NCAPD3: variants seen among roughly 807,000 people sequenced by gnomAD.
NCAPD3 encodes non-SMC condensin II complex subunit D3.
A neutral mutation model predicts 182.9 loss-of-function variants in NCAPD3; 105 were observed. That is an observed-to-expected ratio of 0.57 (90% CI 0.49 to 0.68). The LOEUF (loss-of-function observed/expected upper bound fraction) is 0.68. Among genes scored for constraint, NCAPD3 ranks in the 30% least tolerant of loss-of-function variants. The pLI is 0.00. For synonymous variants in NCAPD3, 815 were observed against 679.9 expected, an observed-to-expected ratio of 1.20 and a Z score of -3.09; for missense variants, 1,944 against 1,837.0, an observed-to-expected ratio of 1.06 and a Z score of -1.07.
In NCAPD3 at chr11:134,223,913, C is replaced by A; in HGVS notation, c.14G>T (p.Arg5Leu). Residue 5 changes from arginine to leucine, a missense_variant, in exon 1 of 35, where the codon CGG becomes CTG. Physicochemically the swap from Arg to Leu is moderately radical, Grantham distance 102. Transcript: ENST00000534548. Reference protein sequence around the residue: MVALRGLGSGLQPWC... With the variant: MVALLGLGSGLQPWC... ...GGGCTGCAGGCCGCTACCAAGGCCC[C>A]GCAACGCCACCATGATCCCAGGGCA... 6.2e-7 allele frequency: 1 copy of A among 1,612,684 alleles called. No homozygotes were observed. The highest frequency in any genetic ancestry group is 8.5e-7 in the Non-Finnish European group (1 of 1,179,824).
At position 134,158,495 on chromosome 11, in the gene NCAPD3, C is replaced by A. The variant is rs1185632416; in HGVS notation, c.3868G>T (p.Val1290Phe). ...GGCACTGTTTCTAAACACAGGGCAA[C>A]CTGGTAGAGAAGATAAAGAGTATGT... ...GGAEVAPVAQVALCLETVPVP... is the reference protein window; with the variant it reads ...GGAEVAPVAQFALCLETVPVP... The change falls in exon 30 of 35, where the codon GTT becomes TTT. Residue 1290 changes from valine (V) to phenylalanine (F), a missense_variant and splice_region_variant. Val to Phe is a conservative substitution (Grantham distance 50, BLOSUM62 -1). Coordinates refer to ENST00000534548, the MANE Select transcript of NCAPD3 (RefSeq NM_015261.3). The A allele has an allele frequency of 1.9e-6, 3 of 1,612,940 alleles. No individual in the cohort carries two copies. The highest frequency in any genetic ancestry group is 1.7e-5 in the Admixed American group (1 of 60,022).
Position 134,203,639 on chromosome 11 carries a change from A to G in NCAPD3, c.1468+15T>C, listed in dbSNP as rs1944793423. The G allele has an allele frequency of 6.2e-7, 1 of 1,607,590 alleles. No individual in the cohort carries two copies. The highest frequency in any genetic ancestry group is 1.1e-5 in the South Asian group (1 of 91,004). ...CACAAGACCGGTTTACTGTCCCAAT[A>G]GTCGCCATACTCACTGTTAATCAGG... On this transcript the variant is annotated intron_variant, in intron 11 of 34. Transcript: ENST00000534548.
intron 27 of NCAPD3, 76 bp from the exon 28 acceptor site, chr11:134,161,967 G>C: frequency 4.2e-6 from 3 of 722,592 alleles, no homozygotes; most frequent in Non-Finnish European, 6.8e-6. Context: ...CTAGTTCTTT[G>C]AGTAGAGCCA....
In NCAPD3 at chr11:134,150,743, A is replaced by T. The variant is rs528601526; in HGVS notation, c.*2201T>A. 1.3e-5 allele frequency: 2 copies of T among 152,254 alleles called. No homozygotes were observed. Among genetic ancestry groups the T allele is most frequent in the East Asian group, 3.9e-4 (2 of 5,186 alleles). The allele number at this position is 152,254 out of a possible 1,614,324, so 9.4% of individuals were successfully genotyped here. A position where few individuals can be genotyped will look rare whatever the true frequency, so the allele number is the denominator to read the frequency against. On this transcript the variant is annotated 3_prime_UTR_variant, in exon 35 of 35. Transcript: ENST00000534548. ...AGTACAATAACATTTTTAAAAGAAA[A>T]TGGATCCCACTGTTCCTCTTTGCCA...
At chr11:134,158,666 TTTTC>T (rs1288125528) in intron 29 of NCAPD3, among the ~76,000 whole-genome samples, 171 bp from the exon 30 acceptor site, 5 of 152,222 alleles carry the variant, frequency 3.3e-5, no homozygotes, top group South Asian at 2.1e-4. Flanking sequence ...CGTGAGTATC[TTTTC>T]TTTGTGTTGG....
At chr11:134,167,376 G>T (rs1372733266) in intron 27 of NCAPD3, among the ~76,000 whole-genome samples, 1 of 92,476 alleles carries the variant, frequency 1.1e-5, no homozygotes, top group African/African-American at 4.6e-5. Context: ...GCGCACACTC[G>T]TGAGAGGAGC....
intron 24 of NCAPD3, 62 bp downstream of exon 24, chr11:134,176,245 A>T (rs538085038): frequency 6.8e-7 from 1 of 1,475,030 alleles, no homozygotes; most frequent in South Asian, 1.1e-5. Context: ...AAAAAAAGAA[A>T]TCCAGCATAC....
intron 24 of NCAPD3, among the ~76,000 whole-genome samples, chr11:134,172,785 C>T (rs1354460459): frequency 6.6e-6 from 1 of 151,956 alleles, no homozygotes; most frequent in Non-Finnish European, 1.5e-5. Context: ...CACGCCCAAT[C>T]CCAGCACTTT....
Position 134,184,941 on chromosome 11 carries a change from G to A in NCAPD3, c.2297C>T (p.Ala766Val). 1.2e-6 allele frequency: 2 copies of A among 1,613,844 alleles called. No homozygotes were observed. The highest frequency in any genetic ancestry group is 1.7e-6 in the Non-Finnish European group (2 of 1,179,862). Reference sequence around the variant, plus strand: ...CCGGGTGCTCTTAGGAAGATGCTTTGCAATATGCCCAATCACACAGAGAAT... The same window carrying A: ...CCGGGTGCTCTTAGGAAGATGCTTTACAATATGCCCAATCACACAGAGAAT... ...GHILCVIGHI[A>V]KHLPKSTRDK... Residue 766 changes from alanine to valine, a missense_variant, in exon 18 of 35, where the codon GCA becomes GTA. Physicochemically the swap from Ala to Val is moderately conservative, Grantham distance 64. Transcript: ENST00000534548.
In NCAPD3 at chr11:134,171,696, A is replaced by T. The variant is rs553869787; in HGVS notation, c.3102-2642T>A. On this transcript the variant is annotated intron_variant, in intron 24 of 34. Transcript: ENST00000534548. ...CTGTCTAGACCCTGGTCATCCCTGC[A>T]TTGCTGCTTCCTTCCTCCATGTACT... Among the ~76,000 whole-genome samples the T allele has an allele frequency of 3.3e-5, 5 of 152,252 alleles. No individual in the cohort carries two copies. In the South Asian group the frequency reaches 1.0e-3, roughly 32 times the overall value.
intron 19 of NCAPD3, chr11:134,182,932 T>C (rs1386165066): frequency 6.5e-6 from 2 of 306,240 alleles, no homozygotes; most frequent in Non-Finnish European, 1.3e-5. Flanking sequence ...CCAAGTGAGG[T>C]TGTGTCGGCA....
chr11:134,184,806 T>TAC (rs1466832733), intron 18 of NCAPD3, 54 bp from the exon 19 acceptor site: 93 of 1,068,112 alleles, frequency 8.7e-5, no homozygotes, highest in Middle Eastern at 2.0e-4. Flanking sequence ...TATTCAGGTA[T>TAC]ATATACACAC....
At chr11:134,191,011 TC>T (rs1436695869) in intron 16 of NCAPD3, among the ~76,000 whole-genome samples, 4 of 152,356 alleles carry the variant, frequency 2.6e-5, no homozygotes, top group Admixed American at 2.6e-4. Flanking sequence ...TCCTAGTTAT[TC>T]CTCTACTTCT....
chr11:134,159,622 C>T (rs1300261923), intron 29 of NCAPD3, among the ~76,000 whole-genome samples: 1 of 152,214 alleles, frequency 6.6e-6, no homozygotes, highest in African/African-American at 2.4e-5. Flanking sequence ...CACTGACACA[C>T]CCTGGCAGAC....
At chr11:134,197,311 C>G (rs925225309) in intron 13 of NCAPD3, among the ~76,000 whole-genome samples, 8 of 136,142 alleles carry the variant, frequency 5.9e-5, no homozygotes, top group Non-Finnish European at 1.2e-4. Flanking sequence ...GAGTCTCACT[C>G]TGCTGCCCAG....
intron 32 of NCAPD3, among the ~76,000 whole-genome samples, chr11:134,154,739 T>C (rs892189535): frequency 1.2e-4 from 18 of 152,192 alleles, no homozygotes; most frequent in African/African-American, 4.1e-4. Flanking sequence ...TGCAAGCACA[T>C]GCGAGGAGGC....
chr11:134,169,445 G>A (rs928656705), intron 24 of NCAPD3, among the ~76,000 whole-genome samples: 1 of 152,184 alleles, frequency 6.6e-6, no homozygotes, highest in Non-Finnish European at 1.5e-5. Flanking sequence ...GGGATATCTG[G>A]CCTTCACCTC....
chr11:134,154,477 A>ATC (rs1555123824), intron 32 of NCAPD3, among the ~76,000 whole-genome samples: 1 of 75,608 alleles, frequency 1.3e-5, no homozygotes, highest in African/African-American at 6.0e-5. Flanking sequence ...GCTTCTCTGC[A>ATC]CCCCCCCCCC....
intron 16 of NCAPD3, among the ~76,000 whole-genome samples, chr11:134,192,235 C>A (rs907788396): frequency 1.3e-5 from 2 of 152,180 alleles, no homozygotes; most frequent in Admixed American, 1.3e-4. Flanking sequence ...CTCCTAACTA[C>A]AATATTCACT....
Sources: gnomAD v4.1 joint callset for allele counts (sites outside exome capture counted in the v4.1 genomes callset) on GRCh38, gnomAD v4.1.1 for gene constraint, MANE v1.5 for transcripts, NCBI Gene and HGNC (gene_info 2026-07-23, HGNC 2026-07-21) for gene names.